Variants in AP3S1 observed in about 807,000 individuals in gnomAD.
AP3S1 encodes AP-3 complex subunit sigma-1.
In AP3S1, 12 loss-of-function variants were observed where a neutral mutation model predicts 21.3. The observed-to-expected ratio is 0.56, with a 90% CI of 0.36 to 0.91. The LOEUF (loss-of-function observed/expected upper bound fraction) is 0.91. Among genes scored for constraint, AP3S1 ranks in the 40% least tolerant of loss-of-function variants. AP3S1 has a pLI of 0.01. For missense variants in AP3S1, 116 were observed against 225.0 expected (o/e 0.52, Z 3.10); for synonymous variants, 48 against 78.4 (o/e 0.61, Z 2.05).
At chr5:115,907,582 A>G (rs560792400) in intron 5 of AP3S1, among the ~76,000 whole-genome samples, 1 of 152,296 alleles carries the variant, frequency 6.6e-6, no homozygotes, top group South Asian at 2.1e-4. Context: ...CAAATCACCA[A>G]AATACAATGG....
intron 3 of AP3S1, among the ~76,000 whole-genome samples, chr5:115,883,131 T>C (rs1561505369): frequency 6.6e-6 from 1 of 152,218 alleles, no homozygotes. Context: ...CTTAGCTTGC[T>C]GGGCTCCATG....
chr5:115,853,490 T>C (rs1244478336), intron 1 of AP3S1, among the ~76,000 whole-genome samples: 2 of 152,184 alleles, frequency 1.3e-5, no homozygotes, highest in African/African-American at 2.4e-5. Context: ...GTTTATCTCT[T>C]TTTTTCTTCA....
intron 3 of AP3S1, among the ~76,000 whole-genome samples, chr5:115,882,215 T>A (rs559138363): frequency 6.6e-6 from 1 of 152,122 alleles, no homozygotes; most frequent in Admixed American, 6.5e-5. Flanking sequence ...TTCATCAAAC[T>A]CATTCACCTT....
At chr5:115,912,689 A>G (rs1752199772) in intron 5 of AP3S1, among the ~76,000 whole-genome samples, 2 of 152,046 alleles carry the variant, frequency 1.3e-5, no homozygotes, top group Non-Finnish European at 1.5e-5. Flanking sequence ...TTTAATCGTT[A>G]TATTTTTACT....
chr5:115,883,879 TC>T (rs1749530479), intron 3 of AP3S1, among the ~76,000 whole-genome samples: 1 of 152,226 alleles, frequency 6.6e-6, no homozygotes, highest in African/African-American at 2.4e-5. Flanking sequence ...AAGAAATTAT[TC>T]AGAGGTTACT....
chr5:115,849,736 G>T (rs552265273), intron 1 of AP3S1, among the ~76,000 whole-genome samples: 1 of 152,206 alleles, frequency 6.6e-6, no homozygotes, highest in Admixed American at 6.5e-5. Flanking sequence ...TGTAAAGAAG[G>T]TGTTGCTAGG....
intron 3 of AP3S1, among the ~76,000 whole-genome samples, chr5:115,880,991 T>C (rs1425941126): frequency 6.6e-6 from 1 of 152,080 alleles, no homozygotes; most frequent in Admixed American, 6.6e-5. Flanking sequence ...TGGTTTAAAG[T>C]CTGTTTTATT....
At chr5:115,898,145 A>T (rs1750918944) in intron 4 of AP3S1, among the ~76,000 whole-genome samples, 1 of 152,168 alleles carries the variant, frequency 6.6e-6, no homozygotes, top group South Asian at 2.1e-4. Flanking sequence ...GAACATTGTT[A>T]GTTTCTATGT....
intron 3 of AP3S1, among the ~76,000 whole-genome samples, chr5:115,870,578 C>G (rs898141299): frequency 5.9e-5 from 9 of 152,156 alleles, no homozygotes; most frequent in Non-Finnish European, 1.0e-4. Context: ...TACGTGCAAC[C>G]CTTTGAAGTA....
At chr5:115,842,377 C>G (rs1761658198) in intron 1 of AP3S1, 1 of 378,296 alleles carries the variant, frequency 2.6e-6, no homozygotes, top group Non-Finnish European at 4.6e-6. Flanking sequence ...GGGCGAGGCC[C>G]TGGAGACTTC....
chr5:115,861,860 C>CTTTTTTTTTTTT (rs1485174401), intron 1 of AP3S1, among the ~76,000 whole-genome samples: 1 of 120,124 alleles, frequency 8.3e-6, no homozygotes, highest in Non-Finnish European at 1.7e-5. Flanking sequence ...ATTTTCTTTT[C>CTTTTTTTTTTTT]TTTTCTTTTT....
chr5:115,854,548 A>G (rs1762662629), intron 1 of AP3S1, among the ~76,000 whole-genome samples: 1 of 152,176 alleles, frequency 6.6e-6, no homozygotes, highest in Admixed American at 6.5e-5. Context: ...ATGTACACAG[A>G]GTCTCCAGCC....
intron 4 of AP3S1, among the ~76,000 whole-genome samples, chr5:115,896,553 A>G (rs1750768945): frequency 6.6e-6 from 1 of 152,182 alleles, no homozygotes; most frequent in Admixed American, 6.5e-5. Flanking sequence ...CTGAGGCCGG[A>G]GGATTGCTTG....
At chr5:115,856,433 T>A (rs543906300) in intron 1 of AP3S1, among the ~76,000 whole-genome samples, 3 of 54,898 alleles carry the variant, frequency 5.5e-5, no homozygotes, top group East Asian at 9.1e-4. Flanking sequence ...ATCCAGCATC[T>A]TTTTTTTTTT....
intron 3 of AP3S1, among the ~76,000 whole-genome samples, chr5:115,878,905 C>G (rs1291629531): frequency 6.6e-6 from 1 of 152,022 alleles, no homozygotes; most frequent in South Asian, 2.1e-4. Flanking sequence ...CTTGAAGAGG[C>G]CCTTCACATC....
At chr5:115,879,365 A>G (rs1017365112) in intron 3 of AP3S1, among the ~76,000 whole-genome samples, 1 of 152,212 alleles carries the variant, frequency 6.6e-6, no homozygotes. Context: ...ATTTTGAGAT[A>G]TGTTCCATCT....
chr5:115,844,950 T>A (rs573235587), intron 1 of AP3S1, among the ~76,000 whole-genome samples: 3 of 142,754 alleles, frequency 2.1e-5, no homozygotes, highest in African/African-American at 9.2e-5. Flanking sequence ...GAAAACTCTC[T>A]AACTCTTTGC....
chr5:115,854,992 A>ATG (rs140506639), intron 1 of AP3S1, among the ~76,000 whole-genome samples: 579 of 151,534 alleles, frequency 3.8e-3, no homozygotes, highest in Middle Eastern at 0.017. Context: ...ATGCTTATAT[A>ATG]TGTGTGTGTG....
At chr5:115,911,289 C>T (rs550164164) in intron 5 of AP3S1, among the ~76,000 whole-genome samples, 2 of 151,804 alleles carry the variant, frequency 1.3e-5, no homozygotes, top group South Asian at 2.1e-4. Context: ...ATTATGTTTA[C>T]TATTTATAAG....
Sources: allele counts gnomAD v4.1 joint callset (sites outside exome capture counted in the v4.1 genomes callset), GRCh38; gene constraint gnomAD v4.1.1; transcripts MANE v1.5; gene names NCBI Gene and HGNC (gene_info 2026-07-23, HGNC 2026-07-21).